Variants in TENM2 observed in about 807,000 individuals in gnomAD.
TENM2 encodes teneurin transmembrane protein 2.
In TENM2, 52 loss-of-function variants were observed where a neutral mutation model predicts 245.2. The ratio of observed to expected loss-of-function variants is 0.21; its 90% CI spans 0.17 to 0.27. The LOEUF (loss-of-function observed/expected upper bound fraction) is 0.27. TENM2 is among the 10% of genes least tolerant of loss of function. TENM2 has a pLI of 1.00. For missense variants in TENM2, 3,046 were observed against 3,666.8 expected (o/e 0.83, Z 4.37); for synonymous variants, 1,363 against 1,438.9 (o/e 0.95, Z 1.19).
At chr5:167,185,379 T>C in the TENM2 span, among the ~76,000 whole-genome samples, 1 of 152,178 alleles carries the variant, frequency 6.6e-6, no homozygotes, top group African/African-American at 2.4e-5. Context: ...ATTATTGATA[T>C]CTTCTACAGT....
chr5:167,073,317 T>A, the TENM2 span, among the ~76,000 whole-genome samples: 1 of 152,196 alleles, frequency 6.6e-6, no homozygotes, highest in African/African-American at 2.4e-5. Flanking sequence ...AGCACTCCTG[T>A]AAAGCCAGCT....
exon 19 of TENM2, chr5:168,204,428 A>T (rs778470502): frequency 1.2e-6 from 2 of 1,613,934 alleles, no homozygotes; most frequent in South Asian, 2.2e-5. Context: ...GCCTGCCATC[A>T]TCACCAGCAT....
intron 4 of TENM2, among the ~76,000 whole-genome samples, chr5:167,962,594 T>C (rs1212779664): frequency 6.6e-6 from 1 of 152,186 alleles, no homozygotes; most frequent in Non-Finnish European, 1.5e-5. Context: ...CAGTAATTTA[T>C]AGAGGAAACA....
chr5:168,197,153 G>A (rs560260640), intron 15 of TENM2, among the ~76,000 whole-genome samples: 2 of 152,272 alleles, frequency 1.3e-5, no homozygotes, highest in African/African-American at 4.8e-5. Flanking sequence ...CAGTGTGCAT[G>A]CCCGATAAAT....
the TENM2 span, among the ~76,000 whole-genome samples, chr5:167,001,841 T>A: frequency 6.6e-6 from 1 of 152,268 alleles, no homozygotes; most frequent in South Asian, 2.1e-4. Context: ...TCTTTTTTTT[T>A]AATGTAGGCA....
chr5:167,163,335 C>T, the TENM2 span, among the ~76,000 whole-genome samples: 14 of 152,324 alleles, frequency 9.2e-5, no homozygotes, highest in African/African-American at 2.9e-4. Context: ...AAGGGATCCT[C>T]CCGCCTCAGC....
the TENM2 span, among the ~76,000 whole-genome samples, chr5:167,190,172 T>C: frequency 4.9e-4 from 75 of 152,104 alleles, no homozygotes; most frequent in African/African-American, 1.7e-3. Context: ...CAGCCCTCCA[T>C]TGACAAGAGT....
intron 5 of TENM2, among the ~76,000 whole-genome samples, chr5:168,043,833 G>A (rs1006150264): frequency 2.0e-5 from 3 of 152,146 alleles, no homozygotes; most frequent in South Asian, 2.1e-4. Flanking sequence ...AACCCCTCTC[G>A]GGAAGGGGTG....
intron 2 of TENM2, among the ~76,000 whole-genome samples, chr5:167,816,801 G>A (rs1767092377): frequency 2.6e-5 from 4 of 151,848 alleles, no homozygotes; most frequent in Admixed American, 2.6e-4. Flanking sequence ...AGTACAAATG[G>A]CCCAGCAAAG....
the TENM2 span, among the ~76,000 whole-genome samples, chr5:167,189,537 C>T: frequency 3.3e-5 from 5 of 149,440 alleles, no homozygotes; most frequent in South Asian, 4.2e-4. Context: ...CTCTTTCTTT[C>T]GTTCTCTCTT....
chr5:167,437,656 C>T (rs755143942), intron 2 of TENM2, among the ~76,000 whole-genome samples: 1 of 152,224 alleles, frequency 6.6e-6, no homozygotes, highest in South Asian at 2.1e-4. Context: ...CCACAATTCC[C>T]CCATGTCATA....
chr5:167,336,526 T>C (rs1468499511), intron 1 of TENM2, among the ~76,000 whole-genome samples: 1 of 151,862 alleles, frequency 6.6e-6, no homozygotes, highest in South Asian at 2.1e-4. Flanking sequence ...AAAAATCACA[T>C]GTCAGAAGTT....
At chr5:167,911,950 T>C (rs938010286) in intron 3 of TENM2, among the ~76,000 whole-genome samples, 3 of 152,246 alleles carry the variant, frequency 2.0e-5, no homozygotes, top group African/African-American at 7.2e-5. Context: ...CATAATGTTA[T>C]GGAATAGCTA....
At chr5:167,433,614 C>G (rs1474428070) in intron 2 of TENM2, among the ~76,000 whole-genome samples, 2 of 152,002 alleles carry the variant, frequency 1.3e-5, no homozygotes, top group African/African-American at 4.8e-5. Context: ...CTGAACATAG[C>G]TAATACTTGA....
chr5:167,668,390 A>G (rs1755710297), intron 2 of TENM2, among the ~76,000 whole-genome samples: 1 of 152,150 alleles, frequency 6.6e-6, no homozygotes, highest in Admixed American at 6.6e-5. Context: ...GGTTTCATGA[A>G]CTAATGATTA....
chr5:167,162,166 C>T, the TENM2 span, among the ~76,000 whole-genome samples: 10 of 147,040 alleles, frequency 6.8e-5, no homozygotes, highest in African/African-American at 1.3e-4. Context: ...AGCAAGACTC[C>T]GTCTCAAAAA....
intron 2 of TENM2, among the ~76,000 whole-genome samples, chr5:167,872,828 C>G (rs1413129241): frequency 2.0e-5 from 3 of 152,250 alleles, no homozygotes; most frequent in African/African-American, 7.2e-5. Flanking sequence ...TCTCTCTGTA[C>G]TATATGAAAT....
rs573492007 is a variant in TENM2, at chr5:167,788,608, C to T, written c.503-87378C>T. On this transcript the variant is annotated intron_variant, in intron 2 of 28. Coordinates refer to ENST00000518659, the Ensembl canonical transcript of TENM2. The stretch of plus-strand genomic sequence containing the variant: ...CAAAGAGGTAAAACTCATCACATAA[C>T]GGGTCTTCAACAACACTTTTCTTAT... Among the ~76,000 whole-genome samples the T allele has an allele frequency of 2.1e-4, 32 of 152,242 alleles. No homozygotes were observed. In the South Asian group the frequency reaches 5.0e-3, roughly 24 times the overall value.
At chr5:167,543,227 G>A (rs1448197383) in intron 2 of TENM2, among the ~76,000 whole-genome samples, 5 of 152,124 alleles carry the variant, frequency 3.3e-5, no homozygotes, top group Non-Finnish European at 7.3e-5. Flanking sequence ...TTCCTCAAAC[G>A]GTGGTACCAC....
Sources: allele counts gnomAD v4.1 joint callset (sites outside exome capture counted in the v4.1 genomes callset), GRCh38; gene constraint gnomAD v4.1.1; transcripts MANE v1.5; gene names NCBI Gene and HGNC (gene_info 2026-07-23, HGNC 2026-07-21).